Variants in CD300LG observed in about 807,000 individuals in gnomAD.
CD300LG encodes the protein CMRF35-like molecule 9.
In CD300LG, 29 loss-of-function variants were observed where a neutral mutation model predicts 31.5. That is an observed-to-expected ratio of 0.92 (90% CI 0.68 to 1.25). CD300LG has a LOEUF of 1.25. Among genes scored for constraint, CD300LG ranks in the 50% most tolerant of loss-of-function variants. The probability of loss-of-function intolerance (pLI) is 0.00; values close to 1 mark genes in which losing one functional copy is unlikely to be tolerated. For missense variants in CD300LG, 396 were observed against 417.6 expected, an observed-to-expected ratio of 0.95 and a Z score of 0.45; for synonymous variants, 175 against 177.2, an observed-to-expected ratio of 0.99 and a Z score of 0.10.
Position 43,861,890 on chromosome 17 carries a change from C to T in CD300LG, c.978C>T (p.Phe326=), listed in dbSNP as rs1159754283. The change falls in exon 7 of 7, where the codon TTC becomes TTT. Residue 326 remains phenylalanine (F), a synonymous_variant. Coordinates refer to ENST00000317310, the MANE Select transcript of CD300LG (RefSeq NM_145273.4). ...ACACATCTGAGGAGGAGCTGGGCTT[C>T]TCGAAGTTTGTCTCAGCGTAGGGCA... ...PLHTSEEELG[F]SKFVSA is the part of the protein sequence containing the mutation. 7 of 1,611,142 alleles carry T rather than the reference C, an allele frequency of 4.3e-6. No homozygotes were observed. The highest frequency in any genetic ancestry group is 2.2e-5 in the East Asian group (1 of 44,644).
chr17:43,848,418 A>G (rs2046247590), intron 1 of CD300LG, 140 bp from the exon 2 acceptor site: 2 of 685,520 alleles, frequency 2.9e-6, no homozygotes. Flanking sequence ...GTGGGAGGTT[A>G]GTAATGGCTC....
intron 5 of CD300LG, among the ~76,000 whole-genome samples, chr17:43,856,078 A>T (rs1270962038): frequency 6.6e-6 from 1 of 152,224 alleles, no homozygotes; most frequent in African/African-American, 2.4e-5. Flanking sequence ...AGTAACTAGG[A>T]CTACAGGCAT....
intron 3 of CD300LG, 144 bp from the exon 4 acceptor site, chr17:43,853,663 G>A (rs2046423929): frequency 1.5e-6 from 1 of 652,304 alleles, no homozygotes. Flanking sequence ...AGATCTGTTT[G>A]CTTACTGGGG....
chr17:43,850,651 G>GT (rs376241021), intron 2 of CD300LG, among the ~76,000 whole-genome samples: 1,878 of 146,970 alleles, frequency 0.013, 26 homozygotes, highest in African/African-American at 0.043. Flanking sequence ...TTGGTTTTTT[G>GT]TTTTTTTTTT....
intron 1 of CD300LG, among the ~76,000 whole-genome samples, chr17:43,847,703 C>A (rs2046223087): frequency 6.6e-6 from 1 of 152,190 alleles, no homozygotes; most frequent in Non-Finnish European, 1.5e-5. Context: ...TACCTTCTAA[C>A]ACTTAAAATC....
chr17:43,855,226 C>G lies in CD300LG; in HGVS notation c.739C>G (p.Arg247Gly). 2.5e-6 allele frequency: 4 copies of G among 1,608,728 alleles called. No individual in the cohort carries two copies. In the South Asian group the frequency reaches 4.5e-5, roughly 18 times the overall value. ...SKPRVSIPMV[R>G]ILAPVLVLLS... ...CTCCAGGGTGTCCATCCCGATGGTC[C>G]GCATACTGGCCCCAGTCCTGGTGCT... Residue 247 changes from arginine to glycine, a missense_variant, in exon 5 of 7, where the codon CGC (arginine) becomes GGC (glycine). Transcript: ENST00000317310.
At chr17:43,857,807 T>C (rs1019843275) in intron 6 of CD300LG, 1 of 1,537,294 alleles carries the variant, frequency 6.5e-7, no homozygotes, top group Non-Finnish European at 8.7e-7. Flanking sequence ...TGATGTTTTC[T>C]CTGAGCCTGC....
chr17:43,853,786 G>A (rs758660052), intron 3 of CD300LG, 21 bp from the exon 4 acceptor site: 6 of 1,589,108 alleles, frequency 3.8e-6, no homozygotes, highest in Non-Finnish European at 5.2e-6. Context: ...GGATGCTGAG[G>A]CATTGCTTTT....
At position 43,848,818 on chromosome 17, in the gene CD300LG, G is replaced by C. The variant is rs765674061; in HGVS notation, c.304G>C (p.Ala102Pro). ...CCTGTGGAACCTCACCCTGCAAGAC[G>C]CTGGGGAGTACTGGTGTGGGGTCGA... ...VTLWNLTLQD[A>P]GEYWCGVEKR... Residue 102 changes from alanine (A) to proline (P), a missense_variant, in exon 2 of 7, where the codon GCT becomes CCT. By Grantham distance (27) the Ala-to-Pro change is conservative. Coordinates refer to ENST00000317310, the MANE Select transcript of CD300LG (RefSeq NM_145273.4). The C allele has an allele frequency of 6.2e-7, 1 of 1,614,154 alleles. No homozygotes were observed. Among genetic ancestry groups the C allele is most frequent in the African/African-American group, 1.3e-5 (1 of 75,042 alleles).
chr17:43,857,254 C>T (rs937370302), intron 6 of CD300LG, 98 bp downstream of exon 6: 1 of 1,482,628 alleles, frequency 6.7e-7, no homozygotes, highest in African/African-American at 1.4e-5. Context: ...ACCTGGTCCT[C>T]CTTGCCTGAC....
At chr17:43,860,500 C>A (rs2046629838) in intron 6 of CD300LG, among the ~76,000 whole-genome samples, 2 of 152,228 alleles carry the variant, frequency 1.3e-5, no homozygotes, top group Non-Finnish European at 2.9e-5. Flanking sequence ...TCTGCTCCGC[C>A]CACCTGCTAG....
intron 3 of CD300LG, 32 bp downstream of exon 3, chr17:43,853,045 GCCA>G (rs2046406739): frequency 1.3e-6 from 2 of 1,573,922 alleles, no homozygotes; most frequent in East Asian, 4.6e-5. Flanking sequence ...CCCTTCCCTT[GCCA>G]CCCTTCTTAC....
intron 6 of CD300LG, 129 bp downstream of exon 6, chr17:43,857,285 C>A: frequency 1.4e-6 from 2 of 1,439,526 alleles, no homozygotes; most frequent in Non-Finnish European, 1.9e-6. Flanking sequence ...CGCTTGCTCC[C>A]CACCTTGGAG....
At chr17:43,852,002 C>T (rs1476674062) in intron 2 of CD300LG, among the ~76,000 whole-genome samples, 1 of 152,062 alleles carries the variant, frequency 6.6e-6, no homozygotes, top group African/African-American at 2.4e-5. Flanking sequence ...TGAGCTTGTG[C>T]TGAAGGACAG....
chr17:43,854,161 C>T (rs2143358416), intron 4 of CD300LG, 117 bp downstream of exon 4: 2 of 754,202 alleles, frequency 2.7e-6, no homozygotes, highest in South Asian at 1.7e-5. Context: ...TTGTCATGGC[C>T]ACAGCCTGCA....
At chr17:43,857,352 A>G in intron 6 of CD300LG, 196 bp downstream of exon 6, 1 of 1,518,728 alleles carries the variant, frequency 6.6e-7, no homozygotes, top group Non-Finnish European at 8.8e-7. Flanking sequence ...CACAGTGCCC[A>G]TGGGGGACTC....
rs899297979 is a variant in CD300LG at position 43,861,965 on chromosome 17, C to T, written c.*54C>T. On this transcript the variant is annotated 3_prime_UTR_variant, in exon 7 of 7. Transcript: ENST00000317310. ...AGTGAAGCAGTATGGCTGGCTGGAT[C>T]AGCACCGATTCCCGAAAGCTTTCCA... 13 of 1,312,684 alleles carry T rather than the reference C, an allele frequency of 9.9e-6. No homozygotes were observed. Among genetic ancestry groups the T allele is most frequent in the Non-Finnish European group, 1.1e-5 (11 of 956,954 alleles). The allele number at this position is 1,312,684 out of a possible 1,614,324, so 81.3% of individuals were successfully genotyped here.
intron 6 of CD300LG, chr17:43,861,224 C>T (rs1483083103): frequency 2.0e-6 from 2 of 985,188 alleles, no homozygotes; most frequent in Non-Finnish European, 2.4e-6. Flanking sequence ...CTCTCCCAGC[C>T]TCTACACAGA....
At chr17:43,847,995 C>G (rs555067313) in intron 1 of CD300LG, among the ~76,000 whole-genome samples, 1 of 152,258 alleles carries the variant, frequency 6.6e-6, no homozygotes, top group East Asian at 1.9e-4. Context: ...GTAATCCAAG[C>G]TCTTTGGGAG....
Sources: gnomAD v4.1 joint callset for allele counts (sites outside exome capture counted in the v4.1 genomes callset) on GRCh38, gnomAD v4.1.1 for gene constraint, MANE v1.5 for transcripts, NCBI Gene and HGNC (gene_info 2026-07-23, HGNC 2026-07-21) for gene names.